PUS7: variants seen among roughly 807,000 people sequenced by gnomAD.
The protein encoded by PUS7 is pseudouridylate synthase 7 homolog.
PUS7 carries 48 observed loss-of-function variants against 79.8 expected under a neutral mutation model. The ratio of observed to expected loss-of-function variants is 0.60; its 90% CI spans 0.48 to 0.76. The LOEUF (loss-of-function observed/expected upper bound fraction) is 0.76. PUS7 is among the 30% of genes least tolerant of loss of function. PUS7 has a pLI of 0.00. For synonymous variants in PUS7, 286 were observed against 272.2 expected (o/e 1.05, Z -0.50); for missense variants, 729 against 797.6 (o/e 0.91, Z 1.04).
intron 1 of PUS7, among the ~76,000 whole-genome samples, chr7:105,521,272 T>C (rs1292840118): frequency 6.6e-6 from 1 of 151,726 alleles, no homozygotes; most frequent in Non-Finnish European, 1.5e-5. Flanking sequence ...ATTTTTGGAA[T>C]GGAAAAAAAA....
chr7:105,468,256 G>T (rs1823736940), intron 12 of PUS7, 81 bp downstream of exon 12: 9 of 1,524,096 alleles, frequency 5.9e-6, no homozygotes, highest in Non-Finnish European at 6.2e-6. Context: ...TTAATTAATA[G>T]CCAGGATGGA....
At position 105,502,476 on chromosome 7, in the gene PUS7, C is replaced by T; in HGVS notation, c.674G>A (p.Arg225Lys). ...FPGLETKTED[R>K]EGKKYIVAYH... ...GGCTACAATGTATTTCTTCCCCTCCCTATCCTCTGTTTTTGTCTCTAATCC... is the reference window on the plus strand; with the variant it reads ...GGCTACAATGTATTTCTTCCCCTCCTTATCCTCTGTTTTTGTCTCTAATCC... The change falls in exon 5 of 16, where the codon AGG becomes AAG. Residue 225 changes from arginine (R) to lysine (K), a missense_variant. Transcript: ENST00000469408. The T allele has an allele frequency of 6.2e-7, 1 of 1,614,180 alleles. No individual in the cohort carries two copies. The highest frequency in any genetic ancestry group is 8.5e-7 in the Non-Finnish European group (1 of 1,180,030).
intron 2 of PUS7, among the ~76,000 whole-genome samples, chr7:105,507,645 T>G (rs149571649): frequency 0.14 from 20,857 of 151,504 alleles, 1,855 homozygotes; most frequent in South Asian, 0.26. Context: ...AGGTTCAAGC[T>G]ATTCTCCTGC....
At chr7:105,488,914 C>T (rs1014086399) in intron 7 of PUS7, among the ~76,000 whole-genome samples, 3 of 151,914 alleles carry the variant, frequency 2.0e-5, no homozygotes, top group Non-Finnish European at 4.4e-5. Context: ...TTTGGGAGGC[C>T]AAGACGGGTG....
At chr7:105,502,739 G>A (rs759553261) in intron 4 of PUS7, among the ~76,000 whole-genome samples, 175 bp from the exon 5 acceptor site, 5 of 152,112 alleles carry the variant, frequency 3.3e-5, no homozygotes, top group South Asian at 2.1e-4. Context: ...TCGCTCTGTC[G>A]CTCAAGCTGG....
chr7:105,513,306 G>A (rs1193582366), intron 1 of PUS7, among the ~76,000 whole-genome samples: 1 of 152,150 alleles, frequency 6.6e-6, no homozygotes, highest in African/African-American at 2.4e-5. Context: ...GCTTGGCACA[G>A]GGACTTCACA....
At chr7:105,496,250 GA>G (rs1825028132) in intron 5 of PUS7, among the ~76,000 whole-genome samples, 1 of 27,570 alleles carries the variant, frequency 3.6e-5, no homozygotes, top group African/African-American at 1.8e-4. Context: ...GAGAGAGAGA[GA>G]GAGGGAGAGA....
At position 105,505,898 on chromosome 7, in the gene PUS7, C is replaced by T. The variant is rs1825434848; in HGVS notation, c.585+57G>A. 3.7e-6 allele frequency: 5 copies of T among 1,342,396 alleles called. No individual in the cohort carries two copies. The East Asian group carries it at 6.9e-5, about 19-fold the overall frequency. 83.2% of individuals were successfully genotyped at this position (1,342,396 alleles called of 1,614,324 possible). ...ATTTTTTCCATAAACACTTAACATCCACCCAAAAAGCAACTAAAACCCTAA... is the reference window on the plus strand; with the variant it reads ...ATTTTTTCCATAAACACTTAACATCTACCCAAAAAGCAACTAAAACCCTAA... On this transcript the variant is annotated intron_variant, in intron 4 of 15. Coordinates refer to ENST00000469408, the MANE Select transcript of PUS7 (RefSeq NM_019042.5).
chr7:105,464,436 T>G (rs545305629), intron 13 of PUS7, among the ~76,000 whole-genome samples: 1 of 152,022 alleles, frequency 6.6e-6, no homozygotes, highest in East Asian at 1.9e-4. Context: ...GTGGGCAGAG[T>G]GGGGAAGATC....
At chr7:105,474,886 C>T (rs1197330436) in intron 9 of PUS7, among the ~76,000 whole-genome samples, 2 of 152,170 alleles carry the variant, frequency 1.3e-5, no homozygotes, top group Non-Finnish European at 2.9e-5. Flanking sequence ...TGGAAAACAG[C>T]CATGCTCATT....
At chr7:105,482,171 A>G in intron 8 of PUS7, 141 bp downstream of exon 8, 2 of 965,928 alleles carry the variant, frequency 2.1e-6, no homozygotes, top group South Asian at 3.3e-5. Context: ...CAGCCCTGCC[A>G]GGCCCTGCTC....
Position 105,481,077 on chromosome 7 carries a change from C to A in PUS7, c.1150G>T (p.Ala384Ser), listed in dbSNP as rs751864345. The change falls in exon 9 of 16, where the codon GCT (alanine) becomes TCT (serine). Residue 384 changes from alanine (A) to serine (S), a missense_variant. Transcript: ENST00000469408. ...CTTCCAACCTGATACGTAGGGACAG[C>A]TGTGGTTCCAAATCTTTGCATTCCA... ...YYGMQRFGTT[A>S]VPTYQVGRAI... The A allele has an allele frequency of 6.2e-7, 1 of 1,612,286 alleles. No homozygotes were observed.
At chr7:105,507,998 C>T in intron 2 of PUS7, 117 bp downstream of exon 2, 1 of 1,320,338 alleles carries the variant, frequency 7.6e-7, no homozygotes, top group Non-Finnish European at 1.0e-6. Context: ...TCCTTTTGAT[C>T]AGTAGTATAA....
At chr7:105,475,240 C>T (rs1009294260) in intron 9 of PUS7, among the ~76,000 whole-genome samples, 3 of 152,096 alleles carry the variant, frequency 2.0e-5, no homozygotes, top group African/African-American at 7.2e-5. Flanking sequence ...GGCTAGAGTG[C>T]AGTGGCACGA....
intron 5 of PUS7, chr7:105,496,858 GCTCA>G: frequency 1.3e-6 from 1 of 783,916 alleles, no homozygotes; most frequent in Non-Finnish European, 1.6e-6. Context: ...TTTCCTTCCA[GCTCA>G]CTATCAGTTA....
At chr7:105,514,789 C>G (rs1586184587) in intron 1 of PUS7, among the ~76,000 whole-genome samples, 1 of 146,698 alleles carries the variant, frequency 6.8e-6, no homozygotes, top group Non-Finnish European at 1.5e-5. Context: ...ACTAAAAATT[C>G]TCTCTCATTT....
intron 5 of PUS7, among the ~76,000 whole-genome samples, chr7:105,498,925 C>A (rs1033735178): frequency 6.6e-6 from 1 of 152,194 alleles, no homozygotes; most frequent in African/African-American, 2.4e-5. Flanking sequence ...CTGCGCCTGG[C>A]CCTCCATTGT....
intron 14 of PUS7, chr7:105,462,314 C>T (rs1328077427): frequency 4.0e-6 from 1 of 252,410 alleles, no homozygotes; most frequent in Non-Finnish European, 7.5e-6. Flanking sequence ...TGCCTGTAAT[C>T]CTAGCTACTC....
rs1562818754 is a variant in PUS7 at position 105,508,409 on chromosome 7, A to G, written c.104T>C (p.Leu35Pro). Reference protein sequence around the residue: ...VPVEETKKQKLSECSLTKGQD... With the variant: ...VPVEETKKQKPSECSLTKGQD... ...ACCTTTGGTTAGACTGCATTCCGAC[A>G]GCTTCTGTTTTTTTGTCTCTTCAAC... Residue 35 changes from leucine to proline, a missense_variant, in exon 2 of 16, where the codon CTG becomes CCG. Coordinates refer to ENST00000469408, the MANE Select transcript of PUS7 (RefSeq NM_019042.5). 6.2e-7 allele frequency: 1 copy of G among 1,614,158 alleles called. No homozygotes were observed. Among genetic ancestry groups the G allele is most frequent in the East Asian group, 2.2e-5 (1 of 44,882 alleles).
Sources: allele counts gnomAD v4.1 joint callset (sites outside exome capture counted in the v4.1 genomes callset), GRCh38; gene constraint gnomAD v4.1.1; transcripts MANE v1.5; gene names NCBI Gene and HGNC (gene_info 2026-07-23, HGNC 2026-07-21).